RIMS1: variants seen among roughly 807,000 people sequenced by gnomAD.
RIMS1 encodes regulating synaptic membrane exocytosis protein 1.
A neutral mutation model predicts 214.1 loss-of-function variants in RIMS1; 83 were observed. The ratio of observed to expected loss-of-function variants is 0.39; its 90% CI spans 0.32 to 0.47. RIMS1 has a LOEUF of 0.47. RIMS1 is among the 20% of genes least tolerant of loss of function. The pLI, the probability that RIMS1 is intolerant of heterozygous loss-of-function variation, is 0.99. For synonymous variants in RIMS1, 793 were observed against 786.8 expected (o/e 1.01, Z -0.13); for missense variants, 2,050 against 2,161.8 (o/e 0.95, Z 1.03).
chr6:72,187,551 A>ACTGCAACCTCTGCCTCC (rs1458980298), intron 6 of RIMS1, among the ~76,000 whole-genome samples: 1 of 140,346 alleles, frequency 7.1e-6, no homozygotes, highest in African/African-American at 2.7e-5. Context: ...ATCTTGGCTC[A>ACTGCAACCTCTGCCTCC]CTGCAACCTC....
intron 16 of RIMS1, among the ~76,000 whole-genome samples, chr6:72,253,057 T>A (rs1006860693): frequency 1.3e-5 from 2 of 152,212 alleles, no homozygotes; most frequent in African/African-American, 4.8e-5. Context: ...TAGAAACATG[T>A]CTAACTAGTG....
At chr6:71,901,410 T>C (rs575277153) in intron 1 of RIMS1, among the ~76,000 whole-genome samples, 26 of 152,220 alleles carry the variant, frequency 1.7e-4, no homozygotes, top group African/African-American at 6.3e-4. Flanking sequence ...ACTCACACAA[T>C]GAAAAATTCA....
intron 29 of RIMS1, among the ~76,000 whole-genome samples, chr6:72,347,621 T>A (rs1359923067): frequency 6.6e-6 from 1 of 151,912 alleles, no homozygotes; most frequent in African/African-American, 2.4e-5. Context: ...TTCTTATTTA[T>A]GTTCCATCTC....
chr6:72,118,164 G>A (rs941528937), intron 4 of RIMS1, among the ~76,000 whole-genome samples: 22 of 150,954 alleles, frequency 1.5e-4, no homozygotes, highest in Middle Eastern at 6.8e-3. Flanking sequence ...ACACAAACTG[G>A]AAAATCTAGA....
chr6:72,397,689 A>G (rs1431834151), intron 31 of RIMS1, among the ~76,000 whole-genome samples: 1 of 152,230 alleles, frequency 6.6e-6, no homozygotes, highest in Non-Finnish European at 1.5e-5. Context: ...GTTTATGTAA[A>G]TAACCTTTAT....
intron 4 of RIMS1, among the ~76,000 whole-genome samples, chr6:72,167,749 T>C (rs1212939098): frequency 2.0e-5 from 3 of 152,122 alleles, no homozygotes; most frequent in African/African-American, 7.2e-5. Flanking sequence ...CTCTTATTTG[T>C]ATTTTTAATA....
intron 4 of RIMS1, among the ~76,000 whole-genome samples, chr6:72,140,548 T>C (rs1164874624): frequency 1.3e-5 from 2 of 152,084 alleles, no homozygotes; most frequent in African/African-American, 4.8e-5. Context: ...ATGATTACTA[T>C]ATTTAAAACT....
chr6:72,361,969 CTGTATTGTATTGTATTGTAT>C (rs71540338), intron 29 of RIMS1, among the ~76,000 whole-genome samples: 66 of 146,826 alleles, frequency 4.5e-4, no homozygotes, highest in Admixed American at 2.1e-3. Flanking sequence ...AGGACCATTA[CTGTATTGTATTGTATTGTAT>C]TGTATTGTAT....
At chr6:72,170,545 AT>A (rs2046890388) in intron 4 of RIMS1, among the ~76,000 whole-genome samples, 1 of 151,946 alleles carries the variant, frequency 6.6e-6, no homozygotes, top group Non-Finnish European at 1.5e-5. Context: ...GGGTTTCACT[AT>A]GTTGGCCAAG....
At chr6:72,213,413 A>T (rs1170399030) in intron 6 of RIMS1, among the ~76,000 whole-genome samples, 1 of 152,122 alleles carries the variant, frequency 6.6e-6, no homozygotes, top group Non-Finnish European at 1.5e-5. Context: ...CTGAAATGAG[A>T]TTGTAGGGTT....
At chr6:72,046,827 AT>A (rs1234277149) in intron 2 of RIMS1, among the ~76,000 whole-genome samples, 2 of 152,128 alleles carry the variant, frequency 1.3e-5, no homozygotes, top group African/African-American at 4.8e-5. Context: ...CTGCTCCCAT[AT>A]TTATACTTCT....
rs1273638178 is a variant in RIMS1 at position 72,233,954 on chromosome 6, A to G, written c.1746+114A>G. ...ATTCATTTGGTAAGGGCAAATATTGATTTCATTTAAGATAGTACAATTTTG... is the reference window on the plus strand; with the variant it reads ...ATTCATTTGGTAAGGGCAAATATTGGTTTCATTTAAGATAGTACAATTTTG... On this transcript the variant is annotated intron_variant, in intron 7 of 33. Coordinates refer to ENST00000521978, the MANE Select transcript of RIMS1 (RefSeq NM_014989.7). The G allele has an allele frequency of 7.4e-6, 5 of 678,118 alleles. No homozygotes were observed. The East Asian group carries it at 1.4e-4, about 19-fold the overall frequency. 42.0% of individuals were successfully genotyped at this position (678,118 alleles called of 1,614,324 possible).
intron 6 of RIMS1, among the ~76,000 whole-genome samples, chr6:72,194,503 T>G (rs529831328): frequency 1.3e-5 from 2 of 152,156 alleles, no homozygotes; most frequent in Admixed American, 6.5e-5. Flanking sequence ...AAAAAAAATA[T>G]GCTTCCTACT....
chr6:72,358,349 T>C (rs2097713452), intron 29 of RIMS1, among the ~76,000 whole-genome samples: 1 of 152,184 alleles, frequency 6.6e-6, no homozygotes, highest in South Asian at 2.1e-4. Flanking sequence ...TTCTCTTTTT[T>C]TAAGTGAGTA....
intron 6 of RIMS1, among the ~76,000 whole-genome samples, chr6:72,207,589 T>G (rs2053149661): frequency 6.6e-6 from 1 of 152,162 alleles, no homozygotes; most frequent in African/African-American, 2.4e-5. Context: ...TGAACTGTAG[T>G]TCTGTGAGGA....
intron 31 of RIMS1, among the ~76,000 whole-genome samples, chr6:72,397,903 A>G (rs2098798051): frequency 6.6e-6 from 1 of 152,210 alleles, no homozygotes; most frequent in East Asian, 1.9e-4. Context: ...GATAATGAAA[A>G]TACATATGGT....
At chr6:72,227,448 G>A (rs1467877527) in intron 6 of RIMS1, among the ~76,000 whole-genome samples, 2 of 151,788 alleles carry the variant, frequency 1.3e-5, no homozygotes, top group South Asian at 2.1e-4. Flanking sequence ...CTTCTGAGTC[G>A]AATGACTGAG....
chr6:72,206,827 G>C (rs1015126498), intron 6 of RIMS1, among the ~76,000 whole-genome samples: 1 of 152,216 alleles, frequency 6.6e-6, no homozygotes, highest in Non-Finnish European at 1.5e-5. Context: ...ACATTGCAGC[G>C]ACAGTAGCCT....
At chr6:71,890,053 G>A (rs1360283919) in intron 1 of RIMS1, among the ~76,000 whole-genome samples, 1 of 151,966 alleles carries the variant, frequency 6.6e-6, no homozygotes, top group Non-Finnish European at 1.5e-5. Flanking sequence ...AGAAAATGAT[G>A]GATGAATATG....
Sources: allele counts gnomAD v4.1 joint callset (sites outside exome capture counted in the v4.1 genomes callset), GRCh38; gene constraint gnomAD v4.1.1; transcripts MANE v1.5; gene names NCBI Gene and HGNC (gene_info 2026-07-23, HGNC 2026-07-21).